RAP1B: variants seen among roughly 807,000 people sequenced by gnomAD.
RAP1B encodes ras-related protein Rap-1b.
A neutral mutation model predicts 27.5 loss-of-function variants in RAP1B; 1 was observed. The observed-to-expected ratio is 0.04, with a 90% CI of 0.01 to 0.17. RAP1B has a LOEUF of 0.17. Ranked by LOEUF, RAP1B falls within the 10% of genes least tolerant of loss-of-function variation. RAP1B has a pLI of 1.00. For synonymous variants in RAP1B, 75 were observed against 73.1 expected (o/e 1.03, Z -0.13); for missense variants, 84 against 214.8 (o/e 0.39, Z 3.81).
intron 1 of RAP1B, among the ~76,000 whole-genome samples, chr12:68,614,828 A>T (rs781162114): frequency 6.6e-6 from 1 of 152,188 alleles, no homozygotes; most frequent in Non-Finnish European, 1.5e-5. Context: ...TTATTTTGCA[A>T]TGGTATTGAA....
intron 1 of RAP1B, among the ~76,000 whole-genome samples, chr12:68,644,168 G>T (rs1873228089): frequency 6.6e-6 from 1 of 152,186 alleles, no homozygotes; most frequent in African/African-American, 2.4e-5. Flanking sequence ...ATACTTAAAA[G>T]AGGGCTATTT....
chr12:68,615,193 A>AT lies in RAP1B; in HGVS notation c.-27+4153dup, dbSNP rs201191810. Reference sequence around the variant, plus strand: ...ATCAAGGGTACAGTAGCAACTGATTATTTAAGCAGTAATTTAGAAAGATTT... The same window carrying AT: ...ATCAAGGGTACAGTAGCAACTGATTATTTTAAGCAGTAATTTAGAAAGATTT... On this transcript the variant is annotated intron_variant, in intron 1 of 7. Coordinates refer to ENST00000250559, the MANE Select transcript of RAP1B (RefSeq NM_001010942.3). 1.4e-3 allele frequency among the ~76,000 whole-genome samples: 212 copies of AT among 152,324 alleles called. 5 individuals carry two copies. The East Asian group carries it at 0.034, about 25-fold the overall frequency.
rs1874734974 is a variant in RAP1B, at chr12:68,663,894, T to C, written c.*4645T>C. On this transcript the variant is annotated 3_prime_UTR_variant, in exon 8 of 8. Transcript: ENST00000250559. ...CTATTGGTAACAGTCTGTTAAACTT[T>C]CTAAGAGCTTTCCAACTTTCTAAGA... The C allele has an allele frequency of 6.6e-6, 1 of 152,358 alleles. No individual in the cohort carries two copies. Among genetic ancestry groups the C allele is most frequent in the South Asian group, 2.1e-4 (1 of 4,830 alleles). The allele number at this position is 152,358 out of a possible 1,614,324, so 9.4% of individuals were successfully genotyped here.
intron 1 of RAP1B, among the ~76,000 whole-genome samples, chr12:68,637,372 T>G (rs1223555061): frequency 1.3e-5 from 2 of 151,604 alleles, no homozygotes; most frequent in Non-Finnish European, 2.9e-5. Flanking sequence ...CCCAGGCGGG[T>G]GGATCACCTT....
intron 1 of RAP1B, among the ~76,000 whole-genome samples, chr12:68,633,008 A>G (rs998096230): frequency 6.6e-6 from 1 of 152,208 alleles, no homozygotes; most frequent in Non-Finnish European, 1.5e-5. Flanking sequence ...TTATTGTACA[A>G]TACAAGCTAT....
In RAP1B at chr12:68,661,690, G is replaced by A. The variant is rs73136358; in HGVS notation, c.*2441G>A. On this transcript the variant is annotated 3_prime_UTR_variant, in exon 8 of 8. Coordinates refer to ENST00000250559, the MANE Select transcript of RAP1B (RefSeq NM_001010942.3). ...CCAAAAATGTTTCCAGACATTGCCA[G>A]ATGTTCCCCAGTTGGATTGTTGGGG... 2.7e-3 allele frequency: 404 copies of A among 152,132 alleles called. No individual in the cohort carries two copies. The highest frequency in any genetic ancestry group is 6.8e-3 in the Middle Eastern group (2 of 294). The allele number at this position is 152,132 out of a possible 1,614,324, so 9.4% of individuals were successfully genotyped here.
At chr12:68,621,173 T>C (rs901008129) in intron 1 of RAP1B, among the ~76,000 whole-genome samples, 7 of 152,164 alleles carry the variant, frequency 4.6e-5, no homozygotes. Context: ...GATTAAGCAT[T>C]ATAGAACTCC....
In RAP1B at chr12:68,650,313, CCT is replaced by C. The variant is rs148659548; in HGVS notation, c.58-86_58-85del. 9.2e-3 allele frequency: 11,473 copies of C among 1,246,010 alleles called. 77 individuals carry two copies. The highest frequency in any genetic ancestry group is 0.011 in the Non-Finnish European group (10,289 of 929,778). 77.2% of individuals were successfully genotyped at this position (1,246,010 alleles called of 1,614,324 possible). On this transcript the variant is annotated intron_variant, in intron 2 of 7. Transcript: ENST00000250559. ...TTTTTTTTCATTGATGGTGTAACTC[CCT>C]GTGTGAACTCAGTTTACAATTACAT...
At chr12:68,656,615 A>G (rs954191734) in intron 6 of RAP1B, 166 bp downstream of exon 6, 5 of 660,260 alleles carry the variant, frequency 7.6e-6, no homozygotes, top group East Asian at 5.5e-5. Flanking sequence ...TAAATAAACA[A>G]TACTATTTCA....
chr12:68,624,093 G>C (rs891527270), intron 1 of RAP1B, among the ~76,000 whole-genome samples: 6 of 151,940 alleles, frequency 3.9e-5, no homozygotes, highest in African/African-American at 1.5e-4. Context: ...ATTCATTACT[G>C]TTTGGAGAAG....
intron 1 of RAP1B, among the ~76,000 whole-genome samples, chr12:68,638,575 A>G (rs749706345): frequency 5.3e-5 from 8 of 152,230 alleles, no homozygotes; most frequent in Non-Finnish European, 1.0e-4. Context: ...TCAAACAACC[A>G]TTATGAAGTT....
chr12:68,617,180 C>G (rs189295957), intron 1 of RAP1B, among the ~76,000 whole-genome samples: 2 of 152,138 alleles, frequency 1.3e-5, no homozygotes, highest in Admixed American at 6.5e-5. Flanking sequence ...GAAAGGGTAT[C>G]AATAAAATAA....
chr12:68,621,079 C>G (rs1297283943), intron 1 of RAP1B, among the ~76,000 whole-genome samples: 2 of 152,048 alleles, frequency 1.3e-5, no homozygotes. Context: ...ACCAGTGTTG[C>G]AAAGAACAAA....
intron 1 of RAP1B, among the ~76,000 whole-genome samples, chr12:68,628,587 C>G (rs1186857042): frequency 6.6e-6 from 1 of 152,098 alleles, no homozygotes; most frequent in African/African-American, 2.4e-5. Flanking sequence ...TGAGTGGTAT[C>G]CTTGTGAGAG....
At chr12:68,645,308 T>C (rs920085192) in intron 1 of RAP1B, among the ~76,000 whole-genome samples, 1 of 152,234 alleles carries the variant, frequency 6.6e-6, no homozygotes, top group African/African-American at 2.4e-5. Context: ...AATTTGAAAC[T>C]TAGGTACCAT....
intron 1 of RAP1B, among the ~76,000 whole-genome samples, chr12:68,623,963 G>A (rs1871564223): frequency 6.6e-6 from 1 of 151,870 alleles, no homozygotes; most frequent in Admixed American, 6.6e-5. Context: ...GGAGGTTGCA[G>A]TGAGCCGAGA....
At chr12:68,617,889 A>G (rs1565655835) in intron 1 of RAP1B, among the ~76,000 whole-genome samples, 1 of 151,682 alleles carries the variant, frequency 6.6e-6, no homozygotes, top group Non-Finnish European at 1.5e-5. Context: ...TCAGCTCCCC[A>G]AGTAGCTGGG....
chr12:68,611,976 C>T (rs1870632122), intron 1 of RAP1B, among the ~76,000 whole-genome samples: 1 of 152,122 alleles, frequency 6.6e-6, no homozygotes, highest in South Asian at 2.1e-4. Context: ...AGATGGTTTC[C>T]TTCCCCTTCG....
At chr12:68,648,979 G>A in intron 2 of RAP1B, 198 bp downstream of exon 2, 1 of 512,790 alleles carries the variant, frequency 2.0e-6, no homozygotes, top group Non-Finnish European at 3.4e-6. Context: ...ATTGACTCCA[G>A]AATGACACGA....
Sources: gnomAD v4.1 joint callset for allele counts (sites outside exome capture counted in the v4.1 genomes callset) on GRCh38, gnomAD v4.1.1 for gene constraint, MANE v1.5 for transcripts, NCBI Gene and HGNC (gene_info 2026-07-23, HGNC 2026-07-21) for gene names.